CHD1: variants seen among roughly 807,000 people sequenced by gnomAD.
The protein encoded by CHD1 is chromodomain helicase DNA binding protein 1.
Under a neutral mutation model 224.2 loss-of-function variants are expected in CHD1, and 36 were observed. That is an observed-to-expected ratio of 0.16 (90% CI 0.12 to 0.21). The LOEUF is 0.21. Among genes scored for constraint, CHD1 ranks in the 10% least tolerant of loss-of-function variants. CHD1 has a pLI of 1.00. For synonymous variants in CHD1, 668 were observed against 658.3 expected (o/e 1.01, Z -0.23); for missense variants, 1,378 against 1,994.8 (o/e 0.69, Z 5.89).
intron 2 of CHD1, among the ~76,000 whole-genome samples, chr5:98,914,691 T>C (rs868095777): frequency 6.6e-6 from 1 of 152,178 alleles, no homozygotes; most frequent in South Asian, 2.1e-4. Flanking sequence ...GGAGAATGCT[T>C]TCTCTCCAAA....
intron 26 of CHD1, 84 bp downstream of exon 26, chr5:98,873,509 T>C: frequency 9.5e-7 from 1 of 1,047,192 alleles, no homozygotes; most frequent in Non-Finnish European, 1.3e-6. Flanking sequence ...AATAAATAAT[T>C]TAAGATATAA....
intron 8 of CHD1, among the ~76,000 whole-genome samples, 180 bp from the exon 9 acceptor site, chr5:98,898,944 G>A (rs1463123806): frequency 6.6e-6 from 1 of 152,098 alleles, no homozygotes; most frequent in Non-Finnish European, 1.5e-5. Flanking sequence ...CTAAAAATTT[G>A]TAATTTATAA....
intron 25 of CHD1, among the ~76,000 whole-genome samples, chr5:98,874,801 A>G (rs1749626159): frequency 1.3e-5 from 2 of 152,096 alleles, no homozygotes; most frequent in African/African-American, 2.4e-5. Context: ...ATGAAAAATG[A>G]GATAAAGATT....
intron 35 of CHD1, among the ~76,000 whole-genome samples, chr5:98,857,317 G>T (rs1748111510): frequency 6.6e-6 from 1 of 152,042 alleles, no homozygotes; most frequent in South Asian, 2.1e-4. Flanking sequence ...TCTCTAAAAT[G>T]AGTGCCTTTT....
chr5:98,926,007 T>C (rs1753431706), intron 2 of CHD1, among the ~76,000 whole-genome samples: 1 of 152,170 alleles, frequency 6.6e-6, no homozygotes, highest in South Asian at 2.1e-4. Context: ...TCTAGAAATT[T>C]CACTAACAGT....
intron 2 of CHD1, among the ~76,000 whole-genome samples, chr5:98,914,062 T>C (rs1196856507): frequency 6.6e-6 from 1 of 152,196 alleles, no homozygotes; most frequent in Non-Finnish European, 1.5e-5. Context: ...CAGCTAAAGA[T>C]TACCTTTCTC....
chr5:98,911,495 G>C (rs868025002), intron 2 of CHD1, among the ~76,000 whole-genome samples: 3 of 152,032 alleles, frequency 2.0e-5, no homozygotes, highest in Non-Finnish European at 4.4e-5. Context: ...TGCTGAGTAG[G>C]ATAATTTACA....
rs1370739622 is a variant in CHD1 at position 98,899,504 on chromosome 5, T to C, written c.1061A>G (p.Lys354Arg). The change falls in exon 8 of 36, where the codon AAA (lysine) becomes AGA (arginine). Residue 354 changes from lysine to arginine, a missense_variant. This residue lies in a region of CHD1 where 15 missense variants were observed against 16.2 expected (regional missense o/e 0.93). Coordinates refer to ENST00000614616, the MANE Select transcript of CHD1 (RefSeq NM_001270.4). ...RGMKKLDNYK[K>R]KDQETKRWLK... Reference sequence around the variant, plus strand: ...CCATCTTTTTGTTTCCTGATCTTTTTTCTTATAATTATCCAATTTTTTCAT... The same window carrying C: ...CCATCTTTTTGTTTCCTGATCTTTTCTCTTATAATTATCCAATTTTTTCAT... The C allele has an allele frequency of 2.5e-6, 4 of 1,609,330 alleles. No homozygotes were observed. Among genetic ancestry groups the C allele is most frequent in the Non-Finnish European group, 3.4e-6 (4 of 1,176,610 alleles).
intron 33 of CHD1, 25 bp downstream of exon 33, chr5:98,859,947 G>T: frequency 8.5e-7 from 1 of 1,182,320 alleles, no homozygotes; most frequent in Non-Finnish European, 1.2e-6. Context: ...ATAAATTCAG[G>T]GAAAAAATAT....
intron 3 of CHD1, 67 bp from the exon 4 acceptor site, chr5:98,903,975 T>A: frequency 1.1e-6 from 1 of 946,012 alleles, no homozygotes; most frequent in South Asian, 1.5e-5. Flanking sequence ...GGTTAATTTA[T>A]TGAAAAACTA....
At chr5:98,917,212 C>G (rs1752785579) in intron 2 of CHD1, among the ~76,000 whole-genome samples, 1 of 151,162 alleles carries the variant, frequency 6.6e-6, no homozygotes, top group Admixed American at 6.6e-5. Flanking sequence ...TGCCTTACCA[C>G]CAAAGTCACA....
At chr5:98,883,863 T>G (rs76739225) in intron 18 of CHD1, 4 of 23,874 alleles carry the variant, frequency 1.7e-4, no homozygotes, top group African/African-American at 4.5e-4. Context: ...ATATATATAT[T>G]TTTTTTTTTT....
intron 15 of CHD1, among the ~76,000 whole-genome samples, chr5:98,890,013 C>T (rs1750909372): frequency 6.6e-6 from 1 of 152,124 alleles, no homozygotes; most frequent in Admixed American, 6.5e-5. Context: ...ACTGAGCACA[C>T]ATGGACATAA....
chr5:98,921,345 CA>C (rs1390049615), intron 2 of CHD1, among the ~76,000 whole-genome samples: 1 of 152,178 alleles, frequency 6.6e-6, no homozygotes, highest in Non-Finnish European at 1.5e-5. Context: ...ATAACAACAT[CA>C]ATAACAAAGT....
chr5:98,858,424 TA>T, intron 34 of CHD1, 34 bp from the exon 35 acceptor site: 3 of 1,549,458 alleles, frequency 1.9e-6, no homozygotes, highest in Non-Finnish European at 2.7e-6. Flanking sequence ...TTAATGACCT[TA>T]AAAATAATGT....
chr5:98,887,238 A>G (rs1345823253), intron 17 of CHD1, among the ~76,000 whole-genome samples: 3 of 152,142 alleles, frequency 2.0e-5, no homozygotes, highest in Non-Finnish European at 2.9e-5. Flanking sequence ...TTATTTCTCA[A>G]TGATATTCCT....
intron 2 of CHD1, among the ~76,000 whole-genome samples, 189 bp from the exon 3 acceptor site, chr5:98,905,287 A>C (rs1222406965): frequency 6.6e-6 from 1 of 152,192 alleles, no homozygotes; most frequent in African/African-American, 2.4e-5. Flanking sequence ...TAATTTATTT[A>C]TACGTGATAG....
rs562194117 is a variant in CHD1, at chr5:98,924,463, A to G, written c.53+1871T>C. Among the ~76,000 whole-genome samples, 12 of 152,360 alleles carry G rather than the reference A, an allele frequency of 7.9e-5. No individual in the cohort carries two copies. In the South Asian group the frequency reaches 1.7e-3, roughly 21 times the overall value. ...TGTAATTAATTAAAATGAAACTTCA[A>G]TATCAGTTCAATCCTTAGAGTTGAG... On this transcript the variant is annotated intron_variant, in intron 2 of 35. Coordinates refer to ENST00000614616, the MANE Select transcript of CHD1 (RefSeq NM_001270.4).
chr5:98,915,632 T>C (rs1334315447), intron 2 of CHD1, among the ~76,000 whole-genome samples: 1 of 152,204 alleles, frequency 6.6e-6, no homozygotes, highest in Admixed American at 6.5e-5. Flanking sequence ...AATTCTCTAA[T>C]TTATAGTTAC....
Sources: allele counts gnomAD v4.1 joint callset (sites outside exome capture counted in the v4.1 genomes callset), GRCh38; gene constraint gnomAD v4.1.1; regional missense constraint gnomAD v4.1.1; transcripts MANE v1.5; gene names NCBI Gene and HGNC (gene_info 2026-07-23, HGNC 2026-07-21).